RIN2: variants seen among roughly 807,000 people sequenced by gnomAD.
RIN2 encodes Ras and Rab interactor 2, also known as RAB5 interacting protein 2.
RIN2 carries 36 observed loss-of-function variants against 78.0 expected under a neutral mutation model. The observed-to-expected ratio is 0.46, with a 90% CI of 0.35 to 0.61. RIN2 has a LOEUF of 0.61. Among genes scored for constraint, RIN2 ranks in the 20% least tolerant of loss-of-function variants. RIN2 has a pLI of 0.00. For missense variants in RIN2, 1,087 were observed against 1,159.7 expected (o/e 0.94, Z 0.91); for synonymous variants, 466 against 466.8 (o/e 1.00, Z 0.02).
chr20:19,888,755 G>A (rs146722233), intron 2 of RIN2, among the ~76,000 whole-genome samples: 4 of 152,354 alleles, frequency 2.6e-5, no homozygotes, highest in East Asian at 3.9e-4. Context: ...CCCTCAATGC[G>A]TGAAGGCCTG....
intron 4 of RIN2, among the ~76,000 whole-genome samples, chr20:19,937,344 C>T (rs905576011): frequency 1.4e-4 from 22 of 152,268 alleles, no homozygotes; most frequent in African/African-American, 4.6e-4. Context: ...AAAGAAGTGG[C>T]GAGCACCGCC....
At chr20:19,960,671 A>C in intron 5 of RIN2, 29 bp from the exon 6 acceptor site, 1 of 1,462,976 alleles carries the variant, frequency 6.8e-7, no homozygotes, top group Non-Finnish European at 9.4e-7. Flanking sequence ...GATATTTCCT[A>C]AAGCTTGTAT....
At chr20:19,774,489 T>C (rs796877121) in intron 1 of RIN2, among the ~76,000 whole-genome samples, 5 of 152,326 alleles carry the variant, frequency 3.3e-5, no homozygotes, top group African/African-American at 1.2e-4. Flanking sequence ...CCAAGAGGAA[T>C]CTTTAGTCAG....
intron 9 of RIN2, among the ~76,000 whole-genome samples, chr20:19,976,482 A>C (rs1316981157): frequency 6.6e-6 from 1 of 152,240 alleles, no homozygotes; most frequent in Non-Finnish European, 1.5e-5. Context: ...TTTGGAGGTC[A>C]CATGAAAGGT....
intron 2 of RIN2, among the ~76,000 whole-genome samples, chr20:19,869,866 T>C (rs903899469): frequency 1.3e-5 from 2 of 151,810 alleles, no homozygotes; most frequent in Non-Finnish European, 2.9e-5. Flanking sequence ...GTTGCCCAGA[T>C]GACAGTGCTG....
chr20:19,778,524 G>T (rs937068504), intron 1 of RIN2, among the ~76,000 whole-genome samples: 1 of 152,180 alleles, frequency 6.6e-6, no homozygotes, highest in Non-Finnish European at 1.5e-5. Flanking sequence ...TAAGTGAACT[G>T]GTCCCAAGTC....
chr20:19,961,992 T>C (rs906636927), intron 6 of RIN2, among the ~76,000 whole-genome samples: 3 of 152,180 alleles, frequency 2.0e-5, no homozygotes, highest in Non-Finnish European at 2.9e-5. Flanking sequence ...TAAGTAATTC[T>C]GAATTGGCTT....
intron 9 of RIN2, among the ~76,000 whole-genome samples, chr20:19,980,690 T>C (rs900520445): frequency 6.6e-6 from 1 of 152,182 alleles, no homozygotes; most frequent in African/African-American, 2.4e-5. Flanking sequence ...CATCAGGCTC[T>C]TTAGGGCACA....
chr20:19,808,771 G>C (rs1340463587), intron 2 of RIN2, among the ~76,000 whole-genome samples: 1 of 152,226 alleles, frequency 6.6e-6, no homozygotes, highest in Non-Finnish European at 1.5e-5. Context: ...GCCCCCTGGG[G>C]GTGGCATTGC....
chr20:19,961,615 CTGAAGGTGTAGA>C (rs1185767522), intron 6 of RIN2, among the ~76,000 whole-genome samples: 3 of 152,070 alleles, frequency 2.0e-5, no homozygotes, highest in Admixed American at 6.6e-5. Context: ...TTTGGAGAAG[CTGAAGGTGTAGA>C]TGAAGGTCAA....
intron 4 of RIN2, among the ~76,000 whole-genome samples, chr20:19,939,163 C>T (rs1480928585): frequency 6.6e-6 from 1 of 152,242 alleles, no homozygotes; most frequent in Admixed American, 6.5e-5. Context: ...TCTCGTGCCT[C>T]AGCCTCCCAA....
intron 2 of RIN2, among the ~76,000 whole-genome samples, chr20:19,858,838 C>T (rs1271721812): frequency 6.6e-6 from 1 of 152,128 alleles, no homozygotes; most frequent in Non-Finnish European, 1.5e-5. Flanking sequence ...ATAAAGAGAC[C>T]CTGGCAGGGC....
chr20:19,932,267 C>A (rs775608884), intron 3 of RIN2, among the ~76,000 whole-genome samples: 2 of 152,196 alleles, frequency 1.3e-5, no homozygotes, highest in East Asian at 3.9e-4. Context: ...TCACTTCTGC[C>A]TTCCGCCACG....
chr20:19,837,108 T>A (rs2036439617), intron 2 of RIN2, among the ~76,000 whole-genome samples: 1 of 151,944 alleles, frequency 6.6e-6, no homozygotes, highest in Non-Finnish European at 1.5e-5. Flanking sequence ...TTTGCAGATA[T>A]GTGTGGAAAC....
At chr20:19,782,293 G>C (rs536368619) in intron 1 of RIN2, among the ~76,000 whole-genome samples, 1 of 152,248 alleles carries the variant, frequency 6.6e-6, no homozygotes, top group South Asian at 2.1e-4. Context: ...AGCCAGCCGT[G>C]GTGGCTCACG....
chr20:19,882,340 CA>C (rs1247675696), intron 2 of RIN2, among the ~76,000 whole-genome samples: 1 of 152,148 alleles, frequency 6.6e-6, no homozygotes, highest in Non-Finnish European at 1.5e-5. Flanking sequence ...GTCTCTTTTA[CA>C]AAGTTTACAA....
intron 3 of RIN2, among the ~76,000 whole-genome samples, chr20:19,913,998 C>T (rs764947337): frequency 1.4e-4 from 22 of 152,306 alleles, no homozygotes; most frequent in Non-Finnish European, 2.8e-4. Context: ...CATATGCACA[C>T]GTGCGTTGTG....
At chr20:19,805,452 A>G (rs1445386808) in intron 2 of RIN2, among the ~76,000 whole-genome samples, 1 of 152,122 alleles carries the variant, frequency 6.6e-6, no homozygotes, top group African/African-American at 2.4e-5. Context: ...CCCAGGCTGG[A>G]GTGCAGTGGT....
chr20:19,846,200 T>C (rs946589871), intron 2 of RIN2, among the ~76,000 whole-genome samples: 1 of 152,194 alleles, frequency 6.6e-6, no homozygotes, highest in African/African-American at 2.4e-5. Context: ...AGGATTGTCT[T>C]GGCTATACGG....
Sources: allele counts gnomAD v4.1 joint callset (sites outside exome capture counted in the v4.1 genomes callset), GRCh38; gene constraint gnomAD v4.1.1; transcripts MANE v1.5; gene names NCBI Gene and HGNC (gene_info 2026-07-23, HGNC 2026-07-21).